Variants in SMOC1 observed in about 807,000 individuals in gnomAD.
The protein encoded by SMOC1 is SPARC related modular calcium binding 1.
In SMOC1, 22 loss-of-function variants were observed where a neutral mutation model predicts 56.3. The ratio of observed to expected loss-of-function variants is 0.39; its 90% CI spans 0.28 to 0.56. The LOEUF (loss-of-function observed/expected upper bound fraction) is 0.56, where lower values mean the gene tolerates loss of function less well. Among genes scored for constraint, SMOC1 ranks in the 20% least tolerant of loss-of-function variants. SMOC1 has a pLI of 0.61. For missense variants in SMOC1, 509 were observed against 565.4 expected (o/e 0.90, Z 1.01); for synonymous variants, 193 against 215.0 (o/e 0.90, Z 0.89).
At chr14:69,927,657 CAG>C (rs1302709659) in intron 1 of SMOC1, among the ~76,000 whole-genome samples, 3 of 152,100 alleles carry the variant, frequency 2.0e-5, no homozygotes, top group Non-Finnish European at 4.4e-5. Flanking sequence ...GCTTGGACGA[CAG>C]AGTCAGATTC....
At chr14:69,898,789 C>T (rs989971296) in intron 1 of SMOC1, among the ~76,000 whole-genome samples, 4 of 152,052 alleles carry the variant, frequency 2.6e-5, no homozygotes, top group Non-Finnish European at 5.9e-5. Context: ...TTGTCTGCTA[C>T]TCATGCTTGC....
rs915983915 is a variant in SMOC1, at chr14:70,031,380, T to C, written c.*1122T>C. 2 of 126,664 alleles carry C rather than the reference T, an allele frequency of 1.6e-5. No homozygotes were observed. The allele number at this position is 126,664 out of a possible 1,614,324, so 7.8% of individuals were successfully genotyped here. On this transcript the variant is annotated 3_prime_UTR_variant, in exon 12 of 12. Coordinates refer to ENST00000361956, the MANE Select transcript of SMOC1 (RefSeq NM_001034852.3). ...GTGACCTCTCCACTCCTCCATCTCC[T>C]GCTGTTGTCCTAGTGGCTATCACAG...
At chr14:69,892,160 C>A (rs188349750) in intron 1 of SMOC1, among the ~76,000 whole-genome samples, 1 of 152,304 alleles carries the variant, frequency 6.6e-6, no homozygotes, top group East Asian at 1.9e-4. Flanking sequence ...TCTTTGGTGT[C>A]AGGCTGAGAA....
chr14:70,004,946 G>A (rs1353278040), intron 7 of SMOC1, among the ~76,000 whole-genome samples: 2 of 152,148 alleles, frequency 1.3e-5, no homozygotes, highest in African/African-American at 4.8e-5. Flanking sequence ...AGGTTCCCAT[G>A]TTCTTTCTCC....
intron 1 of SMOC1, among the ~76,000 whole-genome samples, chr14:69,921,136 T>C (rs574403823): frequency 1.1e-3 from 164 of 152,320 alleles, no homozygotes; most frequent in Non-Finnish European, 6.9e-4. Flanking sequence ...GCTGCAGGGC[T>C]GGCCAGATGC....
intron 3 of SMOC1, among the ~76,000 whole-genome samples, chr14:69,958,333 A>G (rs2139455840): frequency 6.6e-6 from 1 of 152,350 alleles, no homozygotes; most frequent in African/African-American, 2.4e-5. Flanking sequence ...ACAAAGAGCT[A>G]ATCTTATGTA....
chr14:69,991,138 T>C (rs1884553933), intron 5 of SMOC1, among the ~76,000 whole-genome samples: 1 of 152,176 alleles, frequency 6.6e-6, no homozygotes, highest in Non-Finnish European at 1.5e-5. Flanking sequence ...ACTTGCAATC[T>C]GCATAAATAG....
chr14:69,988,531 A>C (rs940074148), intron 5 of SMOC1, among the ~76,000 whole-genome samples: 1 of 152,170 alleles, frequency 6.6e-6, no homozygotes, highest in Admixed American at 6.5e-5. Flanking sequence ...ACTTGGGCAC[A>C]CCTCCCTTTT....
intron 10 of SMOC1, among the ~76,000 whole-genome samples, chr14:70,020,228 C>T (rs764046820): frequency 6.6e-6 from 1 of 151,870 alleles, no homozygotes; most frequent in African/African-American, 2.4e-5. Flanking sequence ...GCAGACTTCT[C>T]TGTGTATGTC....
At chr14:70,021,354 A>C (rs1885716307) in intron 10 of SMOC1, among the ~76,000 whole-genome samples, 1 of 152,210 alleles carries the variant, frequency 6.6e-6, no homozygotes, top group African/African-American at 2.4e-5. Flanking sequence ...TTAACAGTGA[A>C]TATTGCAGGT....
intron 5 of SMOC1, 172 bp from the exon 6 acceptor site, chr14:69,992,245 G>C (rs1002359551): frequency 1.2e-5 from 2 of 164,630 alleles, no homozygotes; most frequent in African/African-American, 4.8e-5. Flanking sequence ...TCTCTCTATG[G>C]TTCTCTTTTC....
intron 1 of SMOC1, among the ~76,000 whole-genome samples, chr14:69,880,731 G>A (rs893668172): frequency 1.3e-5 from 2 of 152,264 alleles, no homozygotes; most frequent in African/African-American, 2.4e-5. Flanking sequence ...CAGCCTGAGA[G>A]TCCATGTGAA....
At chr14:69,957,983 A>G (rs922062020) in intron 3 of SMOC1, among the ~76,000 whole-genome samples, 1 of 152,260 alleles carries the variant, frequency 6.6e-6, no homozygotes. Flanking sequence ...AAGACAATAT[A>G]CAAACAATAA....
At chr14:69,953,593 C>T (rs547829037) in intron 3 of SMOC1, 61 bp downstream of exon 3, 11 of 1,394,242 alleles carry the variant, frequency 7.9e-6, no homozygotes, top group East Asian at 4.6e-5. Flanking sequence ...GGAGGTGTCC[C>T]GAGAGCGCGA....
chr14:69,986,946 CCT>C (rs1314720496), intron 5 of SMOC1, among the ~76,000 whole-genome samples: 1 of 152,230 alleles, frequency 6.6e-6, no homozygotes, highest in Non-Finnish European at 1.5e-5. Context: ...CATTTCTGAG[CCT>C]CGCTGGTCAT....
chr14:69,903,519 A>T (rs1000192702), intron 1 of SMOC1, among the ~76,000 whole-genome samples: 29 of 152,312 alleles, frequency 1.9e-4, no homozygotes, highest in African/African-American at 6.7e-4. Flanking sequence ...TCTGTGTAGA[A>T]AGAAGTAGAC....
intron 1 of SMOC1, among the ~76,000 whole-genome samples, chr14:69,902,615 C>G (rs1179197080): frequency 6.6e-6 from 1 of 152,130 alleles, no homozygotes; most frequent in Non-Finnish European, 1.5e-5. Flanking sequence ...CCCTCTCCCT[C>G]TCCCCACGGT....
intron 3 of SMOC1, among the ~76,000 whole-genome samples, chr14:69,965,487 A>C (rs916391606): frequency 6.6e-6 from 1 of 152,162 alleles, no homozygotes; most frequent in African/African-American, 2.4e-5. Flanking sequence ...GTGTAGTCCC[A>C]CAGAGCTGAC....
chr14:70,004,798 C>T (rs1056358546), intron 7 of SMOC1, among the ~76,000 whole-genome samples: 7 of 152,232 alleles, frequency 4.6e-5, no homozygotes, highest in African/African-American at 1.7e-4. Context: ...GATACATACA[C>T]ACATACATAT....
Sources: allele counts gnomAD v4.1 joint callset (sites outside exome capture counted in the v4.1 genomes callset), GRCh38; gene constraint gnomAD v4.1.1; transcripts MANE v1.5; gene names NCBI Gene and HGNC (gene_info 2026-07-23, HGNC 2026-07-21).